The following MZT2B variants were observed in gnomAD, a reference collection of about 807,000 sequenced individuals.
MZT2B encodes mitotic-spindle organizing protein 2B.
MZT2B carries 11 observed loss-of-function variants against 12.1 expected under a neutral mutation model. The observed-to-expected ratio is 0.91, with a 90% CI of 0.57 to 1.50. The LOEUF is 1.50. Ranked by LOEUF, MZT2B falls within the 40% of genes most tolerant of loss-of-function variation. MZT2B has a pLI of 0.00. For synonymous variants in MZT2B, 85 were observed against 109.5 expected, an observed-to-expected ratio of 0.78 and a Z score of 1.40; for missense variants, 209 against 227.7, an observed-to-expected ratio of 0.92 and a Z score of 0.53.
At chr2:130,193,697 A>G, downstream of MZT2B, 4 of 1,499,742 alleles carry the variant, frequency 2.7e-6, 1 homozygote, top group Middle Eastern at 3.6e-4. Flanking sequence ...GAACAGGGAT[A>G]GTCTCCCCAA....
chr2:130,182,199 C>G, upstream of MZT2B: 1 of 1,250,962 alleles, frequency 8.0e-7, no homozygotes, highest in South Asian at 2.7e-5. Context: ...GGAGGCCAGA[C>G]GTTGACGCTG....
chr2:130,183,854 G>T, intron 2 of MZT2B: 3 of 1,550,644 alleles, frequency 1.9e-6, no homozygotes, highest in Non-Finnish European at 2.6e-6. Flanking sequence ...CCAGCCCGCA[G>T]CCTGCGGCCT....
Position 130,188,764 on chromosome 2 carries a change from T to C in MZT2B, c.320-1705T>C, listed in dbSNP as rs1157277349. Among the ~76,000 whole-genome samples the C allele has an allele frequency of 2.0e-5, 3 of 152,060 alleles. No individual in the cohort carries two copies. The East Asian group carries it at 5.8e-4, about 29-fold the overall frequency. On this transcript the variant is annotated intron_variant, in intron 2 of 2. Transcript: ENST00000281871. ...GCAGGGTATGGGGAGAATTTTCTGG[T>C]ATTAGCATAGAAAGGGAGCTGGAGG... is the stretch of plus-strand genomic sequence containing the variant.
the MZT2B span, among the ~76,000 whole-genome samples, chr2:130,200,993 A>T: frequency 1.3e-5 from 2 of 152,218 alleles, no homozygotes; most frequent in East Asian, 3.9e-4. Flanking sequence ...AGGATGCAGC[A>T]TCCCACCATG....
the MZT2B span, chr2:130,202,424 G>T: frequency 4.6e-6 from 6 of 1,290,542 alleles, no homozygotes; most frequent in African/African-American, 9.1e-5. Context: ...GGCAGGAGAA[G>T]GAGGACATGC....
At chr2:130,190,439 T>G in intron 2 of MZT2B, 30 bp from the exon 3 acceptor site, 1 of 1,609,890 alleles carries the variant, frequency 6.2e-7, no homozygotes, top group Non-Finnish European at 8.5e-7. Context: ...GCACGCCCAT[T>G]CCTAATCATT....
the MZT2B span, among the ~76,000 whole-genome samples, chr2:130,197,515 A>G: frequency 1.6e-5 from 2 of 123,890 alleles, 1 homozygote; most frequent in South Asian, 5.5e-4. Flanking sequence ...AAAAGAAAAG[A>G]AAAGAAAAAA....
chr2:130,192,783 C>G (rs1387821036), downstream of MZT2B, among the ~76,000 whole-genome samples: 1 of 152,200 alleles, frequency 6.6e-6, no homozygotes, highest in Non-Finnish European at 1.5e-5. Context: ...GAGCAGGGAT[C>G]AGCAAACTCG....
downstream of MZT2B, chr2:130,190,826 A>G: frequency 1.6e-6 from 2 of 1,215,728 alleles, no homozygotes; most frequent in Non-Finnish European, 2.1e-6. Flanking sequence ...ACAGTGAACT[A>G]ACCAGGTCCC....
chr2:130,191,646 C>T (rs115270667), downstream of MZT2B: 2,874 of 1,080,044 alleles, frequency 2.7e-3, 38 homozygotes, highest in African/African-American at 0.038. Context: ...CCCAACCCCA[C>T]GCCAGCAGGG....
At chr2:130,181,913 C>A, upstream of MZT2B, 1 of 1,491,882 alleles carries the variant, frequency 6.7e-7, no homozygotes, top group African/African-American at 1.4e-5. Flanking sequence ...CGGTGCGGAC[C>A]AGAAAATTGC....
chr2:130,198,658 C>T, the MZT2B span, among the ~76,000 whole-genome samples: 78 of 123,680 alleles, frequency 6.3e-4, 18 homozygotes, highest in African/African-American at 2.2e-3. Context: ...GGGTGTCTTC[C>T]GACCAGGATT....
intron 2 of MZT2B, among the ~76,000 whole-genome samples, chr2:130,185,238 G>A (rs112105818): frequency 9.5e-4 from 143 of 150,970 alleles, no homozygotes; most frequent in African/African-American, 3.3e-3. Context: ...GTGAACTTGG[G>A]AGGTGGAGCT....
chr2:130,182,343 G>T lies in MZT2B; in HGVS notation c.61G>T (p.Ala21Ser), dbSNP rs748417678. 6.5e-7 allele frequency: 1 copy of T among 1,531,568 alleles called. No homozygotes were observed. 94.9% of individuals were successfully genotyped at this position (1,531,568 alleles called of 1,614,324 possible). Reference protein sequence around the residue: ...GSAAPPGLEAARQKLALRRKK... With the variant: ...GSAAPPGLEASRQKLALRRKK... The stretch of plus-strand genomic sequence containing the variant: ...GGCGGCGCCCCCGGGGCTGGAGGCG[G>T]CCCGGCAGAAGCTGGCGCTGCGGCG... Residue 21 changes from alanine to serine, a missense_variant, in exon 1 of 3, where the codon GCC becomes TCC. Coordinates refer to ENST00000281871, the MANE Select transcript of MZT2B (RefSeq NM_025029.5).
downstream of MZT2B, among the ~76,000 whole-genome samples, chr2:130,190,960 G>T (rs116538907): frequency 5.5e-3 from 837 of 151,884 alleles, 8 homozygotes; most frequent in African/African-American, 0.019. Flanking sequence ...GGTTTTTTTG[G>T]TTTTTTTGAA....
chr2:130,183,582 C>T, intron 2 of MZT2B: 1 of 817,168 alleles, frequency 1.2e-6, no homozygotes, highest in Non-Finnish European at 2.0e-6. Context: ...GGAAGAAGGC[C>T]CAGAGCTGGC....
intron 2 of MZT2B, among the ~76,000 whole-genome samples, chr2:130,185,650 C>G (rs1243612115): frequency 2.3e-5 from 2 of 87,598 alleles, no homozygotes; most frequent in Non-Finnish European, 4.7e-5. Flanking sequence ...TGAGGCAGAG[C>G]GCTGTCCAGG....
At chr2:130,198,898 A>G in the MZT2B span, among the ~76,000 whole-genome samples, 2 of 123,838 alleles carry the variant, frequency 1.6e-5, 1 homozygote, top group Non-Finnish European at 3.6e-5. Context: ...GGCAGGATTC[A>G]ATCACTTTTC....
chr2:130,187,868 A>G (rs1690118264), intron 2 of MZT2B, among the ~76,000 whole-genome samples: 1 of 152,100 alleles, frequency 6.6e-6, no homozygotes, highest in African/African-American at 2.4e-5. Flanking sequence ...AGGGTTTGTC[A>G]ACCCTGTCAG....
Sources: gnomAD v4.1 joint callset for allele counts (sites outside exome capture counted in the v4.1 genomes callset) on GRCh38, gnomAD v4.1.1 for gene constraint, MANE v1.5 for transcripts, NCBI Gene and HGNC (gene_info 2026-07-23, HGNC 2026-07-21) for gene names.